The following BDKRB2 variants were observed in gnomAD, a reference collection of about 807,000 sequenced individuals.
BDKRB2 encodes bradykinin receptor B2, also known as B2 bradykinin receptor.
Under a neutral mutation model 4.0 loss-of-function variants are expected in BDKRB2, and 6 were observed. The ratio of observed to expected loss-of-function variants is 1.49; its 90% CI spans 0.81 to 2.93. BDKRB2 has a LOEUF of 2.93. BDKRB2 is among the 30% of genes most tolerant of loss of function. BDKRB2 has a pLI of 0.00. For synonymous variants in BDKRB2, 225 were observed against 215.3 expected (o/e 1.05, Z -0.40); for missense variants, 478 against 520.1 (o/e 0.92, Z 0.79).
intron 1 of BDKRB2, chr14:96,223,057 G>C: frequency 1.3e-6 from 1 of 779,508 alleles, no homozygotes; most frequent in Non-Finnish European, 2.3e-6. Flanking sequence ...GCTGTTGGGA[G>C]TTGCTTGGAG....
intron 1 of BDKRB2, among the ~76,000 whole-genome samples, chr14:96,220,325 G>A (rs1011075533): frequency 3.3e-5 from 5 of 152,094 alleles, no homozygotes; most frequent in Non-Finnish European, 5.9e-5. Context: ...AAAGGTGAAA[G>A]AGGCATGAGT....
At position 96,239,086 on chromosome 14, in the gene BDKRB2, G is replaced by T. The variant is rs184192835; in HGVS notation, c.75-1317G>T. 609 of 985,432 alleles carry T rather than the reference G, an allele frequency of 6.2e-4. 1 individual carries two copies. Among genetic ancestry groups the T allele is most frequent in the Admixed American group, 3.6e-3 (58 of 16,286 alleles). The allele number at this position is 985,432 out of a possible 1,614,324, so 61.0% of individuals were successfully genotyped here. ...ATGATCAGTATCTCTCCCGTGACTC[G>T]TAGTTCAGCTCTTCCTCCATGAGCC... On this transcript the variant is annotated intron_variant, in intron 2 of 2. Coordinates refer to ENST00000554311, the MANE Select transcript of BDKRB2 (RefSeq NM_001379692.1).
chr14:96,238,184 C>A, intron 2 of BDKRB2: 1 of 817,268 alleles, frequency 1.2e-6, no homozygotes, highest in Non-Finnish European at 1.5e-6. Flanking sequence ...CAGGAGCCAC[C>A]AAAAGCGTAA....
intron 1 of BDKRB2, among the ~76,000 whole-genome samples, chr14:96,222,327 T>C (rs146497415): frequency 5.3e-3 from 802 of 152,150 alleles, no homozygotes; most frequent in Non-Finnish European, 7.6e-3. Flanking sequence ...GGGATTTTGA[T>C]GGAGGCTTCA....
chr14:96,209,276 G>T (rs559124628), intron 1 of BDKRB2, among the ~76,000 whole-genome samples: 1 of 152,336 alleles, frequency 6.6e-6, no homozygotes, highest in East Asian at 1.9e-4. Flanking sequence ...GAGAGTTTGA[G>T]GGTGCACCTG....
intron 1 of BDKRB2, among the ~76,000 whole-genome samples, chr14:96,206,225 C>A (rs2139761707): frequency 6.6e-6 from 1 of 152,174 alleles, no homozygotes; most frequent in Non-Finnish European, 1.5e-5. Context: ...GGGGTGAGAG[C>A]AGGGGACAGC....
intron 1 of BDKRB2, among the ~76,000 whole-genome samples, chr14:96,228,174 AG>A: frequency 6.6e-6 from 1 of 152,260 alleles, no homozygotes; most frequent in Admixed American, 6.5e-5. Context: ...CCCTTGTGTG[AG>A]GGGAAGCATG....
In BDKRB2 at chr14:96,231,921, G is replaced by A. The variant is rs993394214; in HGVS notation, c.-39-5148G>A. On this transcript the variant is annotated intron_variant, in intron 1 of 2. Coordinates refer to ENST00000554311, the MANE Select transcript of BDKRB2 (RefSeq NM_001379692.1). ...ATGCAGAGGGAGAGGGAGAACAGCC[G>A]CCCTCTGACTAAGGATGGAGCCCAG... 2.6e-5 allele frequency among the ~76,000 whole-genome samples: 4 copies of A among 152,286 alleles called. No individual in the cohort carries two copies. The East Asian group carries it at 5.8e-4, about 22-fold the overall frequency.
intron 1 of BDKRB2, among the ~76,000 whole-genome samples, chr14:96,211,552 C>T (rs142929688): frequency 1.5e-4 from 23 of 152,348 alleles, no homozygotes; most frequent in Non-Finnish European, 2.8e-4. Context: ...CTGTGCTGAT[C>T]ATTTGTGATA....
In BDKRB2 at chr14:96,222,214, G is replaced by A. The variant is rs374960344; in HGVS notation, c.-39-14855G>A. ...GTGGAAGAGAGGCACAGACCCACACGTGGGGCAGGGGCCTGGAGCTTCGGT... is the reference window on the plus strand; with the variant it reads ...GTGGAAGAGAGGCACAGACCCACACATGGGGCAGGGGCCTGGAGCTTCGGT... On this transcript the variant is annotated intron_variant, in intron 1 of 2. Transcript: ENST00000554311. Among the ~76,000 whole-genome samples, 53 of 152,114 alleles carry A rather than the reference G, an allele frequency of 3.5e-4. 1 individual carries two copies. The highest frequency in any genetic ancestry group is 1.1e-3 in the African/African-American group (47 of 41,372).
chr14:96,234,957 T>C (rs973245955), intron 1 of BDKRB2, among the ~76,000 whole-genome samples: 1 of 152,124 alleles, frequency 6.6e-6, no homozygotes, highest in Admixed American at 6.5e-5. Context: ...TCAGCCCGAG[T>C]GAGCCCCAAG....
At chr14:96,228,606 T>G (rs1359660177) in intron 1 of BDKRB2, among the ~76,000 whole-genome samples, 1 of 152,172 alleles carries the variant, frequency 6.6e-6, no homozygotes, top group Non-Finnish European at 1.5e-5. Context: ...CCTCTGCCAG[T>G]GGAGTTTGGG....
chr14:96,227,918 C>T (rs1291181725), intron 1 of BDKRB2, among the ~76,000 whole-genome samples: 1 of 152,224 alleles, frequency 6.6e-6, no homozygotes, highest in Non-Finnish European at 1.5e-5. Flanking sequence ...ATTTTGCTGA[C>T]CTATGCTGCT....
intron 1 of BDKRB2, among the ~76,000 whole-genome samples, chr14:96,217,983 G>A (rs922582927): frequency 2.6e-5 from 4 of 152,100 alleles, no homozygotes; most frequent in African/African-American, 9.7e-5. Flanking sequence ...ACGAGCCTGT[G>A]AGATGGGATA....
intron 1 of BDKRB2, among the ~76,000 whole-genome samples, chr14:96,213,974 G>A (rs1016177923): frequency 3.9e-5 from 6 of 152,192 alleles, no homozygotes; most frequent in African/African-American, 1.2e-4. Context: ...GCTCAGGCAG[G>A]GCCAGGGGAG....
At chr14:96,228,741 G>A (rs1469332900) in intron 1 of BDKRB2, among the ~76,000 whole-genome samples, 17 of 152,174 alleles carry the variant, frequency 1.1e-4, no homozygotes. Flanking sequence ...TTGTGGGTGG[G>A]GCTTTTGCCA....
chr14:96,219,351 G>A lies in BDKRB2; in HGVS notation c.-40+14392G>A, dbSNP rs187504456. Reference sequence around the variant, plus strand: ...TAAGAGAAATGGGGTTTTCTCTTATGAGAAAAATAAATATCTCCGGTGTTT... The same window carrying A: ...TAAGAGAAATGGGGTTTTCTCTTATAAGAAAAATAAATATCTCCGGTGTTT... On this transcript the variant is annotated intron_variant, in intron 1 of 2. Transcript: ENST00000554311. Among the ~76,000 whole-genome samples the A allele has an allele frequency of 9.2e-5, 14 of 152,162 alleles. No homozygotes were observed. In the East Asian group the frequency reaches 2.1e-3, roughly 23 times the overall value.
At chr14:96,239,820 A>T in intron 2 of BDKRB2, 2 of 985,442 alleles carry the variant, frequency 2.0e-6, no homozygotes, top group Non-Finnish European at 2.4e-6. Context: ...CTCCCTCGCC[A>T]TCTGTATCCT....
In BDKRB2 at chr14:96,240,466, A is replaced by C. The variant is rs770056184; in HGVS notation, c.138A>C (p.Lys46Asn). 7.3e-6 allele frequency: 11 copies of C among 1,515,274 alleles called. No homozygotes were observed. Among genetic ancestry groups the C allele is most frequent in the Middle Eastern group, 3.6e-4 (2 of 5,618 alleles). 93.9% of individuals were successfully genotyped at this position (1,515,274 alleles called of 1,614,324 possible). A position where few individuals can be genotyped will look rare whatever the true frequency, so the allele number is the denominator to read the frequency against. ...TTAACGGGACCTTTGCCCAGAGCAA[A>C]TGCCCCCAAGTGGAGTGGCTGGGCT... ...PTLNGTFAQS[K>N]CPQVEWLGWL... Residue 46 changes from lysine to asparagine, a missense_variant, in exon 3 of 3, where the codon AAA becomes AAC. By Grantham distance (94) the Lys-to-Asn change is moderately conservative (BLOSUM62 0). Transcript: ENST00000554311.
Sources: allele counts gnomAD v4.1 joint callset (sites outside exome capture counted in the v4.1 genomes callset), GRCh38; gene constraint gnomAD v4.1.1; transcripts MANE v1.5; gene names NCBI Gene and HGNC (gene_info 2026-07-23, HGNC 2026-07-21).